Variants in TASP1 observed in about 807,000 individuals in gnomAD.
The protein encoded by TASP1 is taspase 1.
TASP1 carries 16 observed loss-of-function variants against 56.6 expected under a neutral mutation model. The ratio of observed to expected loss-of-function variants is 0.28; its 90% CI spans 0.19 to 0.43. The LOEUF (loss-of-function observed/expected upper bound fraction) is 0.43. Among genes scored for constraint, TASP1 ranks in the 20% least tolerant of loss-of-function variants. The probability of loss-of-function intolerance (pLI) is 1.00; values close to 1 mark genes in which losing one functional copy is unlikely to be tolerated. For missense variants in TASP1, 393 were observed against 511.6 expected (o/e 0.77, Z 2.24); for synonymous variants, 179 against 184.2 (o/e 0.97, Z 0.23).
At chr20:13,465,522 T>C (rs1260500662) in intron 11 of TASP1, among the ~76,000 whole-genome samples, 1 of 151,980 alleles carries the variant, frequency 6.6e-6, no homozygotes, top group Non-Finnish European at 1.5e-5. Context: ...CTCACAGTAA[T>C]TAATTTATTT....
intron 12 of TASP1, among the ~76,000 whole-genome samples, chr20:13,423,598 G>A (rs549911769): frequency 1.2e-4 from 18 of 152,254 alleles, no homozygotes; most frequent in Admixed American, 2.6e-4. Context: ...AATAAAAGAC[G>A]ATCATGTATG....
chr20:13,127,259 T>C, the TASP1 span, among the ~76,000 whole-genome samples: 1 of 152,226 alleles, frequency 6.6e-6, no homozygotes, highest in African/African-American at 2.4e-5. Context: ...TAATCCTCTT[T>C]TTGAAAAATT....
At chr20:13,114,548 G>C in the TASP1 span, among the ~76,000 whole-genome samples, 1 of 152,156 alleles carries the variant, frequency 6.6e-6, no homozygotes, top group Non-Finnish European at 1.5e-5. Context: ...ATATGCTGTA[G>C]CCTCAGAATA....
At chr20:13,353,160 C>G in the TASP1 span, among the ~76,000 whole-genome samples, 1 of 151,436 alleles carries the variant, frequency 6.6e-6, no homozygotes, top group Admixed American at 6.6e-5. Flanking sequence ...CTCTTGAGCC[C>G]ATGAGCTCAA....
chr20:13,284,083 A>T, the TASP1 span, among the ~76,000 whole-genome samples: 1 of 152,220 alleles, frequency 6.6e-6, no homozygotes, highest in Non-Finnish European at 1.5e-5. Flanking sequence ...CCCTGCCCAT[A>T]AAAAGAGGAT....
the TASP1 span, among the ~76,000 whole-genome samples, chr20:13,294,889 C>G: frequency 6.6e-6 from 1 of 152,206 alleles, no homozygotes; most frequent in Non-Finnish European, 1.5e-5. Flanking sequence ...AAATACCTCA[C>G]TCAAGTCACA....
the TASP1 span, among the ~76,000 whole-genome samples, chr20:13,212,718 G>C: frequency 1.8e-3 from 281 of 152,202 alleles, no homozygotes; most frequent in Non-Finnish European, 2.5e-3. Flanking sequence ...TAGACCCCAG[G>C]TAAATAAAGG....
At chr20:13,489,380 G>T (rs1412888391) in intron 10 of TASP1, among the ~76,000 whole-genome samples, 1 of 152,184 alleles carries the variant, frequency 6.6e-6, no homozygotes, top group African/African-American at 2.4e-5. Context: ...AGAGCATTAA[G>T]TTGAATGTCT....
At chr20:13,292,271 C>T in the TASP1 span, 1 of 724,738 alleles carries the variant, frequency 1.4e-6, no homozygotes, top group South Asian at 1.8e-5. Context: ...GTAATGAATA[C>T]AAAAAAGGCT....
chr20:13,507,203 TTAAC>T (rs1201839446), intron 10 of TASP1, among the ~76,000 whole-genome samples: 3 of 152,008 alleles, frequency 2.0e-5, no homozygotes, highest in Non-Finnish European at 4.4e-5. Context: ...AGATATAAAT[TTAAC>T]TAAGAAGATA....
chr20:13,518,623 C>T (rs2044622229), intron 10 of TASP1, among the ~76,000 whole-genome samples: 2 of 152,106 alleles, frequency 1.3e-5, no homozygotes, highest in Non-Finnish European at 2.9e-5. Context: ...CACTGGCTTA[C>T]CCCACCACAA....
chr20:13,462,533 A>G (rs2044093070), intron 11 of TASP1, among the ~76,000 whole-genome samples: 1 of 152,154 alleles, frequency 6.6e-6, no homozygotes, highest in South Asian at 2.1e-4. Context: ...CATATCTGCC[A>G]AGTTCTTGCC....
chr20:13,433,359 A>G (rs1445038120), intron 12 of TASP1, among the ~76,000 whole-genome samples: 2 of 152,132 alleles, frequency 1.3e-5, no homozygotes, highest in African/African-American at 2.4e-5. Context: ...GTTGGGTTTA[A>G]CTATCTAACT....
the TASP1 span, among the ~76,000 whole-genome samples, chr20:13,176,085 T>C: frequency 2.6e-5 from 4 of 152,056 alleles, no homozygotes; most frequent in Non-Finnish European, 2.9e-5. Flanking sequence ...TAAGAGAAAA[T>C]TAGTGAACCA....
At chr20:13,112,641 AT>A in the TASP1 span, among the ~76,000 whole-genome samples, 1 of 152,184 alleles carries the variant, frequency 6.6e-6, no homozygotes, top group African/African-American at 2.4e-5. Context: ...CTTTCCAAGA[AT>A]TTTCCTTCAC....
At chr20:13,141,316 A>T in the TASP1 span, among the ~76,000 whole-genome samples, 1 of 152,176 alleles carries the variant, frequency 6.6e-6, no homozygotes, top group Non-Finnish European at 1.5e-5. Flanking sequence ...TCCTCACTCA[A>T]ATTCTGTCTC....
At chr20:13,114,320 T>A in the TASP1 span, among the ~76,000 whole-genome samples, 6,819 of 152,322 alleles carry the variant, frequency 0.045, 491 homozygotes, top group African/African-American at 0.15. Context: ...CATTTTAAAA[T>A]CACATTTTCT....
At chr20:13,407,985 T>C (rs2041980832) in intron 13 of TASP1, among the ~76,000 whole-genome samples, 1 of 152,038 alleles carries the variant, frequency 6.6e-6, no homozygotes, top group South Asian at 2.1e-4. Context: ...AATTACATGA[T>C]TTGCAAATAT....
chr20:13,130,328 C>T, the TASP1 span, among the ~76,000 whole-genome samples: 2 of 152,312 alleles, frequency 1.3e-5, no homozygotes, highest in Admixed American at 6.5e-5. Flanking sequence ...AAAGAGAAGC[C>T]GGGCTCTGAG....
Sources: allele counts gnomAD v4.1 joint callset (sites outside exome capture counted in the v4.1 genomes callset), GRCh38; gene constraint gnomAD v4.1.1; transcripts MANE v1.5; gene names NCBI Gene and HGNC (gene_info 2026-07-23, HGNC 2026-07-21).